The following CDH18 variants were observed in gnomAD, a reference collection of about 807,000 sequenced individuals.
CDH18 encodes the protein cadherin 18.
CDH18 carries 31 observed loss-of-function variants against 67.9 expected under a neutral mutation model. That is an observed-to-expected ratio of 0.46 (90% CI 0.34 to 0.62). CDH18 has a LOEUF of 0.62. CDH18 is among the 20% of genes least tolerant of loss of function. The pLI, the probability that CDH18 is intolerant of heterozygous loss-of-function variation, is 0.01. For synonymous variants in CDH18, 362 were observed against 347.2 expected, an observed-to-expected ratio of 1.04 and a Z score of -0.48; for missense variants, 890 against 975.5, an observed-to-expected ratio of 0.91 and a Z score of 1.17.
At chr5:20,052,262 C>T (rs956756681) in intron 2 of CDH18, among the ~76,000 whole-genome samples, 2 of 151,970 alleles carry the variant, frequency 1.3e-5, no homozygotes, top group Non-Finnish European at 2.9e-5. Flanking sequence ...CATGTCAGGA[C>T]CGTAGTGCAG....
At chr5:19,629,332 A>G (rs913077211) in intron 5 of CDH18, among the ~76,000 whole-genome samples, 2 of 152,158 alleles carry the variant, frequency 1.3e-5, no homozygotes, top group African/African-American at 4.8e-5. Flanking sequence ...TAAGAGAGGT[A>G]TCTATGTGAA....
At chr5:20,534,530 AG>A (rs928623499) in intron 1 of CDH18, among the ~76,000 whole-genome samples, 2 of 152,070 alleles carry the variant, frequency 1.3e-5, no homozygotes, top group African/African-American at 2.4e-5. Context: ...GAGTAAAAAA[AG>A]GTCACTTTTT....
intron 2 of CDH18, among the ~76,000 whole-genome samples, chr5:20,089,114 A>G (rs1248846600): frequency 6.6e-6 from 1 of 152,216 alleles, no homozygotes; most frequent in Non-Finnish European, 1.5e-5. Context: ...TGAAAAAATA[A>G]TAAGTCCCAA....
chr5:20,502,476 T>C (rs925022586), intron 1 of CDH18, among the ~76,000 whole-genome samples: 8 of 152,174 alleles, frequency 5.3e-5, no homozygotes, highest in Admixed American at 2.0e-4. Flanking sequence ...TCTTCAATTA[T>C]TCAGTTCTAA....
chr5:19,543,812 T>C, intron 9 of CDH18, 57 bp downstream of exon 9: 2 of 1,334,572 alleles, frequency 1.5e-6, no homozygotes, highest in Non-Finnish European at 2.0e-6. Flanking sequence ...TAAGGAAATT[T>C]CAGTATGTCT....
At chr5:19,824,575 C>T (rs532901920) in intron 3 of CDH18, among the ~76,000 whole-genome samples, 2 of 152,184 alleles carry the variant, frequency 1.3e-5, no homozygotes, top group Non-Finnish European at 2.9e-5. Flanking sequence ...AAAACTTTTA[C>T]AAGCCTTGGG....
At position 19,806,811 on chromosome 5, in the gene CDH18, A is replaced by T. The variant is rs572606989; in HGVS notation, c.228+31948T>A. 2.6e-5 allele frequency among the ~76,000 whole-genome samples: 4 copies of T among 152,354 alleles called. No homozygotes were observed. In the South Asian group the frequency reaches 8.3e-4, roughly 32 times the overall value. On this transcript the variant is annotated intron_variant, in intron 3 of 12. Coordinates refer to ENST00000382275, the MANE Select transcript of CDH18 (RefSeq NM_004934.5). ...CTTCCCTGAAACCAGTTGCTCACAGAGAAGCAAGACTGATTGTATAACGAT... is the reference window on the plus strand; with the variant it reads ...CTTCCCTGAAACCAGTTGCTCACAGTGAAGCAAGACTGATTGTATAACGAT...
intron 2 of CDH18, among the ~76,000 whole-genome samples, chr5:19,969,786 T>C (rs2150332048): frequency 6.6e-6 from 1 of 152,026 alleles, no homozygotes; most frequent in South Asian, 2.1e-4. Flanking sequence ...ATGGCACATG[T>C]ATACATATGT....
At chr5:20,385,271 G>C (rs1744224324) in intron 1 of CDH18, among the ~76,000 whole-genome samples, 1 of 152,116 alleles carries the variant, frequency 6.6e-6, no homozygotes. Flanking sequence ...CCACAGATCA[G>C]TATGTTCTGG....
chr5:20,065,099 A>C lies in CDH18; in HGVS notation c.-517-73085T>G, dbSNP rs115489408. The stretch of plus-strand genomic sequence containing the variant: ...TTTATGACTGCCCAGCTTTCATCAG[A>C]GTGTTAGGGAAACTTATTGATATAT... On this transcript the variant is annotated intron_variant, in intron 2 of 14. Coordinates refer to the CDH18 transcript ENST00000507958. 7.3e-3 allele frequency among the ~76,000 whole-genome samples: 1,110 copies of C among 151,950 alleles called. 15 individuals are homozygous for C. Among genetic ancestry groups the C allele is most frequent in the African/African-American group, 0.026 (1,064 of 41,472 alleles).
chr5:20,455,099 C>T (rs201181252), intron 1 of CDH18, among the ~76,000 whole-genome samples: 1 of 151,932 alleles, frequency 6.6e-6, no homozygotes, highest in East Asian at 1.9e-4. Flanking sequence ...ATCCCTATTC[C>T]TCTATTTCCA....
intron 2 of CDH18, among the ~76,000 whole-genome samples, chr5:20,065,170 T>G (rs1258812995): frequency 6.6e-6 from 1 of 151,856 alleles, no homozygotes; most frequent in Non-Finnish European, 1.5e-5. Flanking sequence ...CTACTTATTA[T>G]AAGTTAAGTT....
chr5:19,557,550 A>G (rs2127185578), intron 8 of CDH18, among the ~76,000 whole-genome samples: 1 of 152,256 alleles, frequency 6.6e-6, no homozygotes. Flanking sequence ...GACTTTATGT[A>G]ATGATAAAAG....
At chr5:20,358,912 T>G (rs910681428) in intron 1 of CDH18, among the ~76,000 whole-genome samples, 2 of 151,190 alleles carry the variant, frequency 1.3e-5, no homozygotes, top group Non-Finnish European at 2.9e-5. Context: ...TTTGGAGTGA[T>G]GCATTGGCCT....
intron 9 of CDH18, among the ~76,000 whole-genome samples, chr5:19,522,692 C>A (rs562245863): frequency 6.6e-6 from 1 of 151,894 alleles, no homozygotes; most frequent in African/African-American, 2.4e-5. Flanking sequence ...GTCAGGAGAT[C>A]GAGACCAGCC....
intron 2 of CDH18, among the ~76,000 whole-genome samples, chr5:19,855,617 C>A (rs1271078606): frequency 6.6e-6 from 1 of 152,084 alleles, no homozygotes; most frequent in African/African-American, 2.4e-5. Context: ...TAATTCTGAA[C>A]AAATGACAGA....
At chr5:19,828,970 G>C (rs533574779) in intron 3 of CDH18, among the ~76,000 whole-genome samples, 1 of 152,120 alleles carries the variant, frequency 6.6e-6, no homozygotes, top group African/African-American at 2.4e-5. Flanking sequence ...CCCAGGAGAC[G>C]GAATTTGCAG....
rs185558335 is a variant in CDH18, at chr5:20,246,133, T to G, written c.-518+9311A>C. On this transcript the variant is annotated intron_variant, in intron 2 of 14. Coordinates refer to the CDH18 transcript ENST00000507958. Reference sequence around the variant, plus strand: ...AAAGTAGTAGGACCAAACAACTACTTACTGCACAGTTTGTCTTTGAGTTAA... The same window carrying G: ...AAAGTAGTAGGACCAAACAACTACTGACTGCACAGTTTGTCTTTGAGTTAA... Among the ~76,000 whole-genome samples the G allele has an allele frequency of 3.3e-3, 506 of 152,288 alleles. 1 individual carries two copies. Among genetic ancestry groups the G allele is most frequent in the African/African-American group, 0.012 (490 of 41,576 alleles).
intron 6 of CDH18, among the ~76,000 whole-genome samples, chr5:19,592,976 A>C (rs1745415981): frequency 6.6e-6 from 1 of 152,024 alleles, no homozygotes; most frequent in Non-Finnish European, 1.5e-5. Flanking sequence ...CTCAGTAGTC[A>C]TCCATGTTGT....
Sources: allele counts gnomAD v4.1 joint callset (sites outside exome capture counted in the v4.1 genomes callset), GRCh38; gene constraint gnomAD v4.1.1; transcripts MANE v1.5; gene names NCBI Gene and HGNC (gene_info 2026-07-23, HGNC 2026-07-21).